AOPEP: variants seen among roughly 807,000 people sequenced by gnomAD.
AOPEP encodes aminopeptidase O (putative).
In AOPEP, 77 loss-of-function variants were observed where a neutral mutation model predicts 98.1. The observed-to-expected ratio is 0.78, with a 90% confidence interval of 0.65 to 0.95. AOPEP has a LOEUF of 0.95. AOPEP is among the 40% of genes least tolerant of loss of function. The probability of loss-of-function intolerance (pLI) is 0.00; values close to 1 mark genes in which losing one functional copy is unlikely to be tolerated. For missense variants in AOPEP, 1,024 were observed against 1,024.7 expected, an observed-to-expected ratio of 1.00 and a Z score of 0.01; for synonymous variants, 346 against 365.3, an observed-to-expected ratio of 0.95 and a Z score of 0.60.
At chr9:94,835,502 T>C (rs118186410) in intron 5 of AOPEP, among the ~76,000 whole-genome samples, 2,151 of 152,298 alleles carry the variant, frequency 0.014, 118 homozygotes, top group Admixed American at 0.1. Flanking sequence ...ACCTCTATTT[T>C]TTTCTCCTTT....
intron 13 of AOPEP, among the ~76,000 whole-genome samples, chr9:95,045,937 C>A (rs986065893): frequency 6.6e-6 from 1 of 152,172 alleles, no homozygotes. Flanking sequence ...AAGGCGCCGC[C>A]ACCTCCACTT....
chr9:94,779,325 C>T (rs1224803841), intron 3 of AOPEP, among the ~76,000 whole-genome samples: 2 of 152,216 alleles, frequency 1.3e-5, no homozygotes, highest in Non-Finnish European at 2.9e-5. Context: ...GATAACTCCA[C>T]CTCCCAAGAT....
chr9:95,004,195 C>T (rs1464908090), intron 11 of AOPEP: 3 of 455,834 alleles, frequency 6.6e-6, no homozygotes, highest in East Asian at 6.9e-5. Context: ...GGCCCGCCCT[C>T]ACCGGCAGGC....
At chr9:95,087,743 A>G (rs1372134916), downstream of AOPEP, among the ~76,000 whole-genome samples, 1 of 152,182 alleles carries the variant, frequency 6.6e-6, no homozygotes, top group African/African-American at 2.4e-5. Context: ...TATAGACAGA[A>G]GCTGGGCACT....
At chr9:94,920,198 C>G (rs1026029685) in intron 5 of AOPEP, 1 of 152,458 alleles carries the variant, frequency 6.6e-6, no homozygotes, top group Non-Finnish European at 1.5e-5. Context: ...TGGCGCATGC[C>G]TGTAATCCCA....
intron 5 of AOPEP, among the ~76,000 whole-genome samples, chr9:94,894,347 C>T (rs1240925741): frequency 6.6e-6 from 1 of 152,148 alleles, no homozygotes; most frequent in Non-Finnish European, 1.5e-5. Context: ...GAAAAACTCA[C>T]TAATCCAGAG....
At chr9:95,069,324 A>G (rs2068238792) in intron 14 of AOPEP, among the ~76,000 whole-genome samples, 1 of 152,232 alleles carries the variant, frequency 6.6e-6, no homozygotes, top group South Asian at 2.1e-4. Flanking sequence ...TTATTAGAGG[A>G]GGTAACGATG....
chr9:95,042,803 G>A (rs1367362811), intron 13 of AOPEP, among the ~76,000 whole-genome samples: 1 of 152,114 alleles, frequency 6.6e-6, no homozygotes, highest in Non-Finnish European at 1.5e-5. Flanking sequence ...GTATAATCCA[G>A]GGTAATCTAA....
chr9:94,810,554 A>T (rs1588332990), intron 5 of AOPEP, among the ~76,000 whole-genome samples: 1 of 152,178 alleles, frequency 6.6e-6, no homozygotes, highest in East Asian at 1.9e-4. Flanking sequence ...ACCTCAAATG[A>T]TCCACCCACC....
At position 95,060,733 on chromosome 9, in the gene AOPEP, T is replaced by C. The variant is rs1398533433; in HGVS notation, c.2155T>C (p.Leu719=). ...GCTGGTCTTGCTTCTGGAGCATCTC[T>C]TGGAGCAGAAGACTCTGAGCCCCCG... ...DQLVLLLEHL[L]EQKTLSPRTL... The change falls in exon 14 of 17, where the codon TTG becomes CTG. Residue 719 remains leucine (L), a synonymous_variant. Transcript: ENST00000375315. 3 of 1,614,040 alleles carry C rather than the reference T, an allele frequency of 1.9e-6. No homozygotes were observed. The highest frequency in any genetic ancestry group is 2.5e-6 in the Non-Finnish European group (3 of 1,180,010).
At chr9:95,111,329 G>T in the AOPEP span, 1 of 1,597,260 alleles carries the variant, frequency 6.3e-7, no homozygotes, top group Non-Finnish European at 8.5e-7. Context: ...CCTGCAGGTT[G>T]CCATGACATA....
At chr9:95,125,167 G>C in the AOPEP span, 1 of 1,614,106 alleles carries the variant, frequency 6.2e-7, no homozygotes, top group South Asian at 1.1e-5. Context: ...GGGCCCCATC[G>C]GTTTCCAGGA....
At chr9:94,934,285 A>G (rs912761481) in intron 7 of AOPEP, among the ~76,000 whole-genome samples, 1 of 145,210 alleles carries the variant, frequency 6.9e-6, no homozygotes, top group Non-Finnish European at 1.5e-5. Context: ...CTCTCCCTCT[A>G]ACTGCTGACT....
Position 95,005,224 on chromosome 9 carries a change from A to G in AOPEP, c.2040+4A>G. 1 of 1,102,342 alleles carries G rather than the reference A, an allele frequency of 9.1e-7. No individual in the cohort carries two copies. Among genetic ancestry groups the G allele is most frequent in the Non-Finnish European group, 1.1e-6 (1 of 906,120 alleles). 68.3% of individuals were successfully genotyped at this position (1,102,342 alleles called of 1,614,324 possible). A position where few individuals can be genotyped will look rare whatever the true frequency, so the allele number is the denominator to read the frequency against. On this transcript the variant is annotated splice_donor_region_variant and intron_variant, in intron 12 of 16. Transcript: ENST00000375315. The stretch of plus-strand genomic sequence containing the variant: ...TGCGCGGCAAGTGCGCGCCGAGGTG[A>G]GTGCGGGCGGCGCGGTCCCTGCGCC...
chr9:94,742,684 C>T (rs1431321947), intron 1 of AOPEP, among the ~76,000 whole-genome samples: 2 of 152,148 alleles, frequency 1.3e-5, no homozygotes, highest in South Asian at 2.1e-4. Context: ...CCGCCTGCCT[C>T]GGCCTCCCAA....
At chr9:94,964,233 C>G (rs2059040066) in intron 9 of AOPEP, among the ~76,000 whole-genome samples, 1 of 152,256 alleles carries the variant, frequency 6.6e-6, no homozygotes, top group South Asian at 2.1e-4. Context: ...GCTCACTGCT[C>G]TGTTGCCTGC....
intron 5 of AOPEP, among the ~76,000 whole-genome samples, chr9:94,853,611 A>G (rs1406376572): frequency 5.3e-5 from 8 of 152,234 alleles, no homozygotes; most frequent in Non-Finnish European, 1.5e-5. Flanking sequence ...CATATCCAAA[A>G]TAGTGGTTTT....
chr9:94,950,023 G>C (rs1005153991), intron 7 of AOPEP, among the ~76,000 whole-genome samples: 1 of 152,334 alleles, frequency 6.6e-6, no homozygotes, highest in East Asian at 1.9e-4. Context: ...AAAATCAGCA[G>C]TCTCACCAAG....
intron 5 of AOPEP, among the ~76,000 whole-genome samples, chr9:94,903,300 T>C (rs931517563): frequency 9.2e-5 from 14 of 151,972 alleles, no homozygotes; most frequent in African/African-American, 3.4e-4. Context: ...CTTTTCTTGA[T>C]AGCCTTTTGC....
Sources: gnomAD v4.1 joint callset for allele counts (sites outside exome capture counted in the v4.1 genomes callset) on GRCh38, gnomAD v4.1.1 for gene constraint, MANE v1.5 for transcripts, NCBI Gene and HGNC (gene_info 2026-07-23, HGNC 2026-07-21) for gene names.